HNRNPU: variants seen among roughly 807,000 people sequenced by gnomAD.
HNRNPU encodes HNRNPU antisense RNA 1.
Under a neutral mutation model 94.7 loss-of-function variants are expected in HNRNPU, and 5 were observed. The observed-to-expected ratio is 0.05, with a 90% CI of 0.03 to 0.11. HNRNPU has a LOEUF of 0.11. Ranked by LOEUF, HNRNPU falls within the 10% of genes least tolerant of loss-of-function variation. The pLI is 1.00. For missense variants in HNRNPU, 710 were observed against 1,049.2 expected, an observed-to-expected ratio of 0.68 and a Z score of 4.47; for synonymous variants, 434 against 381.6, an observed-to-expected ratio of 1.14 and a Z score of -1.60.
At position 244,858,060 on chromosome 1, in the gene HNRNPU, T is replaced by G; in HGVS notation, c.1445A>C (p.Glu482Ala). 6.2e-7 allele frequency: 1 copy of G among 1,614,030 alleles called. No individual in the cohort carries two copies. The highest frequency in any genetic ancestry group is 8.5e-7 in the Non-Finnish European group (1 of 1,179,958). ...CCCCTTTGGTCCTCTAACTCGATCC[T>G]CTAAGGGGACGTTCTGGATGAAAGT... ...EYTFIQNVPLEDRVRGPKGPE... is the reference protein window; with the variant it reads ...EYTFIQNVPLADRVRGPKGPE... Residue 482 changes from glutamate to alanine, a missense_variant, in exon 7 of 14, where the codon GAG becomes GCG. Physicochemically the swap from Glu to Ala is moderately radical, Grantham distance 107 (BLOSUM62 -1). This residue lies in a region of HNRNPU where 150 missense variants were observed against 187.9 expected (regional missense o/e 0.80). Coordinates refer to ENST00000640218, the MANE Select transcript of HNRNPU (RefSeq NM_031844.3).
chr1:244,857,670 A>G lies in HNRNPU; in HGVS notation c.1542T>C (p.Val514=). The change falls in exon 8 of 14, where the codon GTT becomes GTC. Residue 514 remains valine (V), a synonymous_variant. Coordinates refer to ENST00000640218, the MANE Select transcript of HNRNPU (RefSeq NM_031844.3). ...CTGGATTTTCTGCTGCATGTTTAGT[A>G]ACCCAGGTAGTTTTTCCAGCTCCTG... ...GLPGAGKTTW[V]TKHAAENPGK... 6.2e-7 allele frequency: 1 copy of G among 1,613,772 alleles called. No homozygotes were observed. The highest frequency in any genetic ancestry group is 8.5e-7 in the Non-Finnish European group (1 of 1,179,630).
chr1:244,863,395 GACACACACACAC>G (rs1177980110), intron 1 of HNRNPU, among the ~76,000 whole-genome samples: 11 of 138,722 alleles, frequency 7.9e-5, no homozygotes, highest in Admixed American at 2.1e-4. Context: ...TGCCACCGCC[GACACACACACAC>G]ACACACACAC....
chr1:244,860,415 T>C lies in HNRNPU; in HGVS notation c.937A>G (p.Met313Val). The change falls in exon 4 of 14, where the codon ATG (methionine) becomes GTG (valine). Residue 313 changes from methionine (M) to valine (V), a missense_variant. By Grantham distance (21) the Met-to-Val change is conservative (BLOSUM62 1). Transcript: ENST00000640218. The part of the protein sequence containing the change: ...RDRLSASSLT[M>V]ESFAFLWAGG... ...GCCCAAAGAAAAGCAAAACTCTCCA[T>C]TGTAAGGGAAGAAGCACTGAGACGA... is the stretch of plus-strand genomic sequence containing the variant. 1 of 1,611,052 alleles carries C rather than the reference T, an allele frequency of 6.2e-7. No homozygotes were observed. The highest frequency in any genetic ancestry group is 8.5e-7 in the Non-Finnish European group (1 of 1,177,164).
intron 4 of HNRNPU, 41 bp from the exon 5 acceptor site, chr1:244,859,415 G>A (rs1416035281): frequency 3.1e-6 from 3 of 980,008 alleles, no homozygotes; most frequent in Middle Eastern, 2.1e-4. Flanking sequence ...AATACACCAA[G>A]GAGGTAACCC....
In HNRNPU at chr1:244,851,868, A is replaced by G. The variant is rs1393504378; in HGVS notation, c.*2582T>C. On this transcript the variant is annotated 3_prime_UTR_variant, in exon 14 of 14. Coordinates refer to ENST00000640218, the MANE Select transcript of HNRNPU (RefSeq NM_031844.3). ...GTTTTAGTTTTCTCATAGCTATCTC[A>G]TAGCAGTTTTAGTTTTCTCAAATTC... 6.6e-6 allele frequency: 1 copy of G among 152,182 alleles called. No homozygotes were observed. Among genetic ancestry groups the G allele is most frequent in the Admixed American group, 6.5e-5 (1 of 15,284 alleles). 9.4% of individuals were successfully genotyped at this position (152,182 alleles called of 1,614,324 possible).
intron 8 of HNRNPU, 146 bp downstream of exon 8, chr1:244,857,452 G>T (rs1193845531): frequency 5.2e-6 from 4 of 771,176 alleles, no homozygotes; most frequent in East Asian, 2.8e-5. Context: ...TCGCCATGTT[G>T]GCCAGGTGGG....
chr1:244,862,798 G>A (rs1032109992), intron 1 of HNRNPU, 68 bp from the exon 2 acceptor site: 1 of 1,115,958 alleles, frequency 9.0e-7, no homozygotes, highest in Admixed American at 1.8e-5. Context: ...TCCGTTCCGA[G>A]AACCAAAGCA....
chr1:244,855,430 G>A lies in HNRNPU; in HGVS notation c.2346C>T (p.Tyr782=), dbSNP rs768084076. The change falls in exon 12 of 14, where the codon TAC becomes TAT. Residue 782 remains tyrosine, a synonymous_variant. Coordinates refer to ENST00000640218, the MANE Select transcript of HNRNPU (RefSeq NM_031844.3). The part of the protein sequence containing the change: ...NRGGMPNRGN[Y]NQNFRGRGNN... ...AGGGATCTTGAATCATTACCTGGTT[G>A]TAGTTCCCTCTGTTGGGCATTCCAC... The A allele has an allele frequency of 2.5e-6, 4 of 1,612,834 alleles. No homozygotes were observed. Among genetic ancestry groups the A allele is most frequent in the Non-Finnish European group, 1.7e-6 (2 of 1,179,636 alleles).
At chr1:244,863,339 G>GGCAGCT (rs1181564951) in intron 1 of HNRNPU, among the ~76,000 whole-genome samples, 1 of 148,018 alleles carries the variant, frequency 6.8e-6, no homozygotes, top group Non-Finnish European at 1.5e-5. Context: ...CCCCTACAGC[G>GGCAGCT]GCAGCTGCAG....
At position 244,858,040 on chromosome 1, in the gene HNRNPU, T is replaced by C. The variant is rs1243273458; in HGVS notation, c.1465A>G (p.Lys489Glu). ...VPLEDRVRGP[K>E]GPEEKKDCEV... Reference sequence around the variant, plus strand: ...CAATCTTTCTTCTCTTCAGGCCCCTTTGGTCCTCTAACTCGATCCTCTAAG... The same window carrying C: ...CAATCTTTCTTCTCTTCAGGCCCCTCTGGTCCTCTAACTCGATCCTCTAAG... The change falls in exon 7 of 14, where the codon AAG becomes GAG. Residue 489 changes from lysine (K) to glutamate (E), a missense_variant. Physicochemically the swap from Lys to Glu is moderately conservative, Grantham distance 56. Around this residue, in one of 8 missense-constraint regions of HNRNPU, gnomAD observed 150 missense variants for 187.9 expected, o/e 0.80. Coordinates refer to ENST00000640218, the MANE Select transcript of HNRNPU (RefSeq NM_031844.3). 1 of 1,613,444 alleles carries C rather than the reference T, an allele frequency of 6.2e-7. No homozygotes were observed.
Position 244,864,454 on chromosome 1 carries a change from G to C in HNRNPU, c.-147C>G. 3 of 1,366,712 alleles carry C rather than the reference G, an allele frequency of 2.2e-6. No individual in the cohort carries two copies. In the East Asian group the frequency reaches 7.8e-5, roughly 36 times the overall value. 84.7% of individuals were successfully genotyped at this position (1,366,712 alleles called of 1,614,324 possible). ...TGGGTTCGTGCTGCAGAGCGGATCC[G>C]CCTGGTGTCGAACGGCGCCAATTCC... On this transcript the variant is annotated 5_prime_UTR_variant, in exon 1 of 14. Coordinates refer to ENST00000640218, the MANE Select transcript of HNRNPU (RefSeq NM_031844.3).
rs1204549965 is a variant in HNRNPU, at chr1:244,852,190, C to G, written c.*2260G>C. The G allele has an allele frequency of 6.6e-6, 1 of 152,180 alleles. No individual in the cohort carries two copies. The highest frequency in any genetic ancestry group is 2.4e-5 in the African/African-American group (1 of 41,452). The allele number at this position is 152,180 out of a possible 1,614,324, so 9.4% of individuals were successfully genotyped here. A position where few individuals can be genotyped will look rare whatever the true frequency, so the allele number is the denominator to read the frequency against. ...TTGCTTATTTGGTACATTCCCTTCT[C>G]TGAATTCCTTAAACACTTTATAAGG... On this transcript the variant is annotated 3_prime_UTR_variant, in exon 14 of 14. Transcript: ENST00000640218.
intron 6 of HNRNPU, chr1:244,858,493 TGA>T (rs1680739871): frequency 1.6e-6 from 1 of 608,338 alleles, no homozygotes; most frequent in Admixed American, 3.2e-5. Context: ...GAAGCTAGAC[TGA>T]ATTTTCTAGG....
At chr1:244,859,545 A>AGCACAT in intron 4 of HNRNPU, 171 bp from the exon 5 acceptor site, 1 of 435,224 alleles carries the variant, frequency 2.3e-6, no homozygotes, top group Non-Finnish European at 4.1e-6. Context: ...TGTGCTTATA[A>AGCACAT]CTTGAAATTT....
Position 244,864,108 on chromosome 1 carries a change from G to A in HNRNPU, c.200C>T (p.Ala67Val), listed in dbSNP as rs1383375662. 1 of 1,596,528 alleles carries A rather than the reference G, an allele frequency of 6.3e-7. No individual in the cohort carries two copies. Among genetic ancestry groups the A allele is most frequent in the Admixed American group, 1.7e-5 (1 of 57,382 alleles). Reference sequence around the variant, plus strand: ...CTCGAGGCCTGCTCCCGAGCGCCCAGCGGAATCCCCGCCCAGGTCTAGGCT... The same window carrying A: ...CTCGAGGCCTGCTCCCGAGCGCCCAACGGAATCCCCGCCCAGGTCTAGGCT... Reference protein sequence around the residue: ...NGSLDLGGDSAGRSGAGLEQE... With the variant: ...NGSLDLGGDSVGRSGAGLEQE... Residue 67 changes from alanine (A) to valine (V), a missense_variant, in exon 1 of 14, where the codon GCT becomes GTT. Ala to Val is a moderately conservative substitution (Grantham distance 64). Coordinates refer to ENST00000640218, the MANE Select transcript of HNRNPU (RefSeq NM_031844.3).
chr1:244,860,564 T>C (rs924861190), intron 3 of HNRNPU, 90 bp from the exon 4 acceptor site: 6 of 1,015,600 alleles, frequency 5.9e-6, no homozygotes, highest in Non-Finnish European at 8.8e-6. Flanking sequence ...AATTTTTGCA[T>C]GTACTTCTTA....
In HNRNPU at chr1:244,859,517, G is replaced by T. The variant is rs548644856; in HGVS notation, c.1018-143C>A. The T allele has an allele frequency of 6.1e-6, 3 of 493,928 alleles. No homozygotes were observed. The East Asian group carries it at 9.2e-5, about 15-fold the overall frequency. 30.6% of individuals were successfully genotyped at this position (493,928 alleles called of 1,614,324 possible). On this transcript the variant is annotated intron_variant, in intron 4 of 13. Transcript: ENST00000640218. The stretch of plus-strand genomic sequence containing the variant: ...ACACTCTAGCCCACCCCCAATATTT[G>T]TAAGAACTTTAAACTGATGTGCTTA...
In HNRNPU at chr1:244,858,245, C is replaced by G. The variant is rs201637304; in HGVS notation, c.1260G>C (p.Ser420=). 1.9e-6 allele frequency: 3 copies of G among 1,613,998 alleles called. No individual in the cohort carries two copies. The South Asian group carries it at 3.3e-5, about 18-fold the overall frequency. ...CAAGATCTTGTCCATTCTTAGCATACGAGAGTTCTACTTCATCACTTTCAA... is the reference window on the plus strand; with the variant it reads ...CAAGATCTTGTCCATTCTTAGCATAGGAGAGTTCTACTTCATCACTTTCAA... ...ANFESDEVEL[S]YAKNGQDLGV... is the part of the protein sequence containing the mutation. Residue 420 remains serine, a synonymous_variant, in exon 7 of 14, where the codon TCG becomes TCC. Coordinates refer to ENST00000640218, the MANE Select transcript of HNRNPU (RefSeq NM_031844.3).
At position 244,855,039 on chromosome 1, in the gene HNRNPU, G is replaced by A. The variant is rs1680642034; in HGVS notation, c.2358C>T (p.Phe786=). The A allele has an allele frequency of 6.2e-7, 1 of 1,612,882 alleles. No homozygotes were observed. The highest frequency in any genetic ancestry group is 1.3e-5 in the African/African-American group (1 of 74,870). The change falls in exon 13 of 14, where the codon TTC becomes TTT. Residue 786 remains phenylalanine, a synonymous_variant. Coordinates refer to ENST00000640218, the MANE Select transcript of HNRNPU (RefSeq NM_031844.3). The part of the protein sequence containing the change: ...MPNRGNYNQN[F]RGRGNNRGYK... ...AGCCACGATTGTTTCCTCGTCCTCT[G>A]AAGTTCTACAAAAAGGAAATACTCT...
Sources: gnomAD v4.1 joint callset for allele counts (sites outside exome capture counted in the v4.1 genomes callset) on GRCh38, gnomAD v4.1.1 for gene constraint, gnomAD v4.1.1 regional missense constraint, MANE v1.5 for transcripts, NCBI Gene and HGNC (gene_info 2026-07-23, HGNC 2026-07-21) for gene names.